The following SYNE3 variants were observed in gnomAD, a reference collection of about 807,000 sequenced individuals.
The protein encoded by SYNE3 is nesprin-3.
SYNE3 carries 100 observed loss-of-function variants against 111.2 expected under a neutral mutation model. The ratio of observed to expected loss-of-function variants is 0.90; its 90% CI spans 0.77 to 1.06. The LOEUF is 1.06. Ranked by LOEUF, SYNE3 falls within the 50% of genes least tolerant of loss-of-function variation. The probability of loss-of-function intolerance (pLI) is 0.00; values close to 1 mark genes in which losing one functional copy is unlikely to be tolerated. For synonymous variants in SYNE3, 547 were observed against 533.9 expected (o/e 1.02, Z -0.34); for missense variants, 1,160 against 1,240.3 (o/e 0.94, Z 0.97).
At chr14:95,430,555 G>A (rs950021044) in intron 17 of SYNE3, among the ~76,000 whole-genome samples, 2 of 152,242 alleles carry the variant, frequency 1.3e-5, no homozygotes, top group African/African-American at 4.8e-5. Flanking sequence ...TGGGTGCAGT[G>A]GCTCATGCCT....
chr14:95,479,290 C>T (rs527631033), intron 1 of SYNE3, among the ~76,000 whole-genome samples: 1 of 149,892 alleles, frequency 6.7e-6, no homozygotes, highest in East Asian at 2.0e-4. Flanking sequence ...CCGGAAGGTC[C>T]AGGCGGCATT....
chr14:95,502,264 C>A (rs972758570), intron 1 of SYNE3, among the ~76,000 whole-genome samples: 2 of 137,512 alleles, frequency 1.5e-5, no homozygotes, highest in African/African-American at 5.3e-5. Flanking sequence ...CTCTACTGAC[C>A]CCCCACCCCC....
chr14:95,488,944 A>G (rs1301186262), intron 1 of SYNE3, among the ~76,000 whole-genome samples: 1 of 151,928 alleles, frequency 6.6e-6, no homozygotes, highest in African/African-American at 2.4e-5. Context: ...GTGGTGTAGG[A>G]CGGCCTAACT....
intron 1 of SYNE3, among the ~76,000 whole-genome samples, chr14:95,494,929 T>A (rs1890021325): frequency 6.6e-6 from 1 of 152,018 alleles, no homozygotes; most frequent in Non-Finnish European, 1.5e-5. Flanking sequence ...CTGGCCAGCA[T>A]GGTGAAACCC....
At chr14:95,437,210 C>T (rs1044479278) in intron 14 of SYNE3, among the ~76,000 whole-genome samples, 2 of 152,240 alleles carry the variant, frequency 1.3e-5, no homozygotes, top group Admixed American at 1.3e-4. Flanking sequence ...GTGACGGAAG[C>T]CACCACCATC....
At chr14:95,479,376 A>AATAT (rs1309964047) in intron 1 of SYNE3, among the ~76,000 whole-genome samples, 44 of 152,140 alleles carry the variant, frequency 2.9e-4, no homozygotes, top group African/African-American at 1.0e-3. Context: ...TAAATAAATA[A>AATAT]AAATTTAAAA....
At chr14:95,494,361 T>C (rs527907146) in intron 1 of SYNE3, among the ~76,000 whole-genome samples, 1 of 152,100 alleles carries the variant, frequency 6.6e-6, no homozygotes, top group East Asian at 1.9e-4. Flanking sequence ...CTGGCTGGGA[T>C]GTGAAGGATG....
chr14:95,501,006 T>C (rs958360593), intron 1 of SYNE3, among the ~76,000 whole-genome samples: 2 of 152,242 alleles, frequency 1.3e-5, no homozygotes, highest in African/African-American at 4.8e-5. Context: ...AAGGGACTGA[T>C]GGTCCACACG....
In SYNE3 at chr14:95,463,554, C is replaced by T. The variant is rs61730457; in HGVS notation, c.627+2377G>A. ...TTCCTGTAAAGCCACAGCAAAGAGG[C>T]TGTGGAGCCAGGCACCTGTCCCAGC... On this transcript the variant is annotated intron_variant, in intron 4 of 17. Transcript: ENST00000682763. 4.4e-3 allele frequency among the ~76,000 whole-genome samples: 669 copies of T among 152,356 alleles called. 7 individuals carry two copies. The highest frequency in any genetic ancestry group is 0.015 in the African/African-American group (625 of 41,578).
intron 4 of SYNE3, among the ~76,000 whole-genome samples, chr14:95,460,552 A>G (rs190064812): frequency 2.4e-4 from 37 of 152,204 alleles, no homozygotes; most frequent in Admixed American, 2.3e-3. Flanking sequence ...AGTAACTGAA[A>G]TGGCTTACAA....
At chr14:95,480,482 G>A (rs1397749994) in intron 1 of SYNE3, among the ~76,000 whole-genome samples, 3 of 152,220 alleles carry the variant, frequency 2.0e-5, no homozygotes, top group Admixed American at 6.5e-5. Context: ...CAGAACCTGG[G>A]TCAAAAGCTA....
chr14:95,465,615 G>A (rs1301276983), intron 4 of SYNE3, among the ~76,000 whole-genome samples: 1 of 152,116 alleles, frequency 6.6e-6, no homozygotes, highest in Non-Finnish European at 1.5e-5. Flanking sequence ...GTAGATGGAT[G>A]AGTGAGTCAA....
chr14:95,430,096 G>A (rs17755562), intron 17 of SYNE3: 75,899 of 553,124 alleles, frequency 0.14, 5,999 homozygotes, highest in South Asian at 0.23. Flanking sequence ...GTAGGAACCT[G>A]AGGCTGTGCT....
At chr14:95,498,130 TA>T (rs1322522434) in intron 1 of SYNE3, among the ~76,000 whole-genome samples, 1 of 151,862 alleles carries the variant, frequency 6.6e-6, no homozygotes, top group Non-Finnish European at 1.5e-5. Flanking sequence ...CAATTTTTTT[TA>T]AAAAAATTAG....
intron 8 of SYNE3, chr14:95,449,597 A>G (rs1595203425): frequency 1.0e-6 from 1 of 985,354 alleles, no homozygotes; most frequent in East Asian, 1.1e-4. Context: ...AGGTCAGGTC[A>G]GGTTTCTTGC....
intron 1 of SYNE3, among the ~76,000 whole-genome samples, chr14:95,510,102 C>A (rs750132721): frequency 6.6e-6 from 1 of 152,222 alleles, no homozygotes; most frequent in Non-Finnish European, 1.5e-5. Flanking sequence ...CACACAATCT[C>A]TCTGGGCATG....
chr14:95,441,670 T>C (rs374494470), intron 11 of SYNE3, among the ~76,000 whole-genome samples: 3 of 152,264 alleles, frequency 2.0e-5, no homozygotes, highest in Admixed American at 6.5e-5. Flanking sequence ...CGGGTTTCTA[T>C]GGGCTCCTGA....
At chr14:95,454,954 A>G (rs1008038964) in intron 6 of SYNE3, among the ~76,000 whole-genome samples, 1 of 151,920 alleles carries the variant, frequency 6.6e-6, no homozygotes, top group Non-Finnish European at 1.5e-5. Context: ...TGGCCTCCTA[A>G]AGGCCCATGT....
intron 2 of SYNE3, among the ~76,000 whole-genome samples, chr14:95,473,585 C>A (rs115975074): frequency 6.6e-6 from 1 of 152,094 alleles, no homozygotes; most frequent in African/African-American, 2.4e-5. Context: ...GGAAGGTCTA[C>A]GAGGTCTTCT....
Sources: allele counts gnomAD v4.1 joint callset (sites outside exome capture counted in the v4.1 genomes callset), GRCh38; gene constraint gnomAD v4.1.1; transcripts MANE v1.5; gene names NCBI Gene and HGNC (gene_info 2026-07-23, HGNC 2026-07-21).